Variants in CATSPERT observed in about 807,000 individuals in gnomAD.
CATSPERT encodes cation channel sperm-associated targeting subunit tau.
At chr2:201,514,818 T>G in the CATSPERT span, among the ~76,000 whole-genome samples, 1 of 152,200 alleles carries the variant, frequency 6.6e-6, no homozygotes, top group East Asian at 1.9e-4. Flanking sequence ...TCAGGTTTCA[T>G]CTGCTGAACC....
the CATSPERT span, among the ~76,000 whole-genome samples, chr2:201,496,927 A>C: frequency 6.6e-6 from 1 of 152,210 alleles, no homozygotes; most frequent in Non-Finnish European, 1.5e-5. Context: ...TCCAGATAGC[A>C]GTGAGGGAGA....
At chr2:201,505,320 A>C in the CATSPERT span, among the ~76,000 whole-genome samples, 3,722 of 152,240 alleles carry the variant, frequency 0.024, 76 homozygotes, top group South Asian at 0.069. Flanking sequence ...ACCTCAAGTG[A>C]TCTGCCCACC....
At chr2:201,547,409 G>A in the CATSPERT span, 4 of 668,708 alleles carry the variant, frequency 6.0e-6, no homozygotes, top group Admixed American at 3.5e-5. Context: ...ATATATCAAG[G>A]ACAAAAAATT....
chr2:201,575,521 T>A, the CATSPERT span, among the ~76,000 whole-genome samples: 2 of 152,096 alleles, frequency 1.3e-5, no homozygotes, highest in Non-Finnish European at 2.9e-5. Flanking sequence ...CCACTTCTCA[T>A]CACTCACATT....
chr2:201,530,039 T>C, the CATSPERT span, among the ~76,000 whole-genome samples: 1 of 152,074 alleles, frequency 6.6e-6, no homozygotes, highest in East Asian at 1.9e-4. Context: ...AAATGCAAAT[T>C]GAAACCACAA....
the CATSPERT span, among the ~76,000 whole-genome samples, chr2:201,561,145 T>C: frequency 6.6e-6 from 1 of 152,204 alleles, no homozygotes; most frequent in Non-Finnish European, 1.5e-5. Flanking sequence ...TACATAGATA[T>C]TGTTTTAAAC....
the CATSPERT span, among the ~76,000 whole-genome samples, chr2:201,579,441 T>C: frequency 6.6e-6 from 1 of 151,916 alleles, no homozygotes; most frequent in African/African-American, 2.4e-5. Flanking sequence ...GGTTTTGTTT[T>C]TGTTTTGCTG....
At chr2:201,611,775 T>G in the CATSPERT span, among the ~76,000 whole-genome samples, 18 of 152,172 alleles carry the variant, frequency 1.2e-4, no homozygotes, top group African/African-American at 3.9e-4. Flanking sequence ...CCCTAACAAT[T>G]AAAGGATTTT....
chr2:201,605,125 T>C, the CATSPERT span, among the ~76,000 whole-genome samples: 2 of 151,294 alleles, frequency 1.3e-5, no homozygotes, highest in Admixed American at 6.6e-5. Context: ...TACACACATA[T>C]ACATGCACAT....
the CATSPERT span, chr2:201,547,447 C>A: frequency 7.6e-6 from 7 of 924,708 alleles, no homozygotes; most frequent in Non-Finnish European, 6.3e-6. Context: ...TATCATAATC[C>A]CATTCTTAAT....
the CATSPERT span, among the ~76,000 whole-genome samples, chr2:201,539,972 C>T: frequency 1.3e-5 from 2 of 152,166 alleles, no homozygotes; most frequent in East Asian, 1.9e-4. Context: ...ACTCCACACA[C>T]AAATGATAAG....
At chr2:201,547,468 A>G in the CATSPERT span, 1 of 1,130,944 alleles carries the variant, frequency 8.8e-7, no homozygotes. Flanking sequence ...AAAAAGTATT[A>G]AAAGCTATAT....
At chr2:201,583,275 C>T in the CATSPERT span, among the ~76,000 whole-genome samples, 4 of 152,084 alleles carry the variant, frequency 2.6e-5, no homozygotes, top group African/African-American at 7.2e-5. Context: ...AGGGTCCTTC[C>T]CCAACCATCC....
the CATSPERT span, among the ~76,000 whole-genome samples, chr2:201,540,865 C>A: frequency 3.9e-5 from 6 of 152,086 alleles, no homozygotes; most frequent in Admixed American, 2.6e-4. Flanking sequence ...CAAAGTAAAT[C>A]GAAAACCTTC....
the CATSPERT span, among the ~76,000 whole-genome samples, chr2:201,577,529 CA>C: frequency 1.3e-5 from 2 of 152,142 alleles, no homozygotes; most frequent in South Asian, 4.1e-4. Context: ...GCTGTATATA[CA>C]TACATGCAAT....
chr2:201,560,468 T>TAATAATAATAAC, the CATSPERT span, among the ~76,000 whole-genome samples: 14 of 63,226 alleles, frequency 2.2e-4, no homozygotes, highest in Non-Finnish European at 3.8e-4. Flanking sequence ...ATAATAATAA[T>TAATAATAATAAC]AACAACAACA....
At chr2:201,530,790 G>C in the CATSPERT span, among the ~76,000 whole-genome samples, 1 of 152,086 alleles carries the variant, frequency 6.6e-6, no homozygotes, top group African/African-American at 2.4e-5. Flanking sequence ...CTGACATTTA[G>C]TGTGTCAGAG....
chr2:201,509,128 G>T, the CATSPERT span, among the ~76,000 whole-genome samples: 34 of 150,862 alleles, frequency 2.3e-4, 3 homozygotes, highest in African/African-American at 8.2e-4. Context: ...GTGCACAAGG[G>T]TTCCAATTTC....
chr2:201,491,156 A>G, the CATSPERT span: 1 of 1,511,056 alleles, frequency 6.6e-7, no homozygotes, highest in African/African-American at 1.4e-5. Flanking sequence ...AAGACTTAGA[A>G]AAACATTATT....
Sources: gnomAD v4.1 joint callset for allele counts (sites outside exome capture counted in the v4.1 genomes callset) on GRCh38, gnomAD v4.1.1 for gene constraint, MANE v1.5 for transcripts, NCBI Gene and HGNC (gene_info 2026-07-23, HGNC 2026-07-21) for gene names.